Variants in TEX10 observed in about 807,000 individuals in gnomAD.
The protein encoded by TEX10 is testis-expressed protein 10.
A neutral mutation model predicts 104.4 loss-of-function variants in TEX10; 24 were observed. The ratio of observed to expected loss-of-function variants is 0.23; its 90% CI spans 0.17 to 0.32. TEX10 has a LOEUF of 0.32. TEX10 is among the 10% of genes least tolerant of loss of function. The pLI, the probability that TEX10 is intolerant of heterozygous loss-of-function variation, is 1.00. For missense variants in TEX10, 921 were observed against 1,083.9 expected (o/e 0.85, Z 2.11); for synonymous variants, 396 against 393.4 (o/e 1.01, Z -0.08).
At chr9:100,335,131 T>C (rs1834974810) in intron 5 of TEX10, among the ~76,000 whole-genome samples, 1 of 152,220 alleles carries the variant, frequency 6.6e-6, no homozygotes, top group Non-Finnish European at 1.5e-5. Context: ...TTCTTTGATA[T>C]GCAGCAGAAA....
chr9:100,307,510 T>TG (rs1394338580), intron 13 of TEX10: 27 of 152,244 alleles, frequency 1.8e-4, no homozygotes, highest in African/African-American at 5.5e-4. Context: ...TCAAAAGCAA[T>TG]GCTGAGAGAA....
chr9:100,326,255 G>A, intron 9 of TEX10, 47 bp downstream of exon 9: 3 of 1,568,970 alleles, frequency 1.9e-6, no homozygotes, highest in Non-Finnish European at 2.6e-6. Flanking sequence ...CCAGTAAAAG[G>A]GGAAAAAGAT....
intron 4 of TEX10, among the ~76,000 whole-genome samples, chr9:100,343,074 G>A (rs1243916071): frequency 1.3e-5 from 2 of 151,422 alleles, no homozygotes; most frequent in African/African-American, 4.9e-5. Context: ...GCGTGAACTC[G>A]GGAGGTGAGC....
At chr9:100,303,061 A>C (rs1834046217) in intron 14 of TEX10, among the ~76,000 whole-genome samples, 1 of 152,174 alleles carries the variant, frequency 6.6e-6, no homozygotes, top group Non-Finnish European at 1.5e-5. Flanking sequence ...TTCTTACTTT[A>C]GAGTGAACTA....
At chr9:100,311,289 G>A (rs1368515977) in intron 11 of TEX10, among the ~76,000 whole-genome samples, 3 of 152,102 alleles carry the variant, frequency 2.0e-5, no homozygotes, top group African/African-American at 7.2e-5. Context: ...CAGCTACTCA[G>A]GAGGTTGGGA....
chr9:100,332,597 G>C (rs565051245), intron 5 of TEX10, among the ~76,000 whole-genome samples: 1 of 152,106 alleles, frequency 6.6e-6, no homozygotes, highest in Non-Finnish European at 1.5e-5. Flanking sequence ...CGAGGTGGGC[G>C]GATCACGAGG....
chr9:100,314,758 T>G (rs555963821), intron 11 of TEX10, among the ~76,000 whole-genome samples: 2 of 152,338 alleles, frequency 1.3e-5, no homozygotes, highest in South Asian at 2.1e-4. Flanking sequence ...CTGCTAATTT[T>G]GGGCTTGGTT....
intron 1 of TEX10, among the ~76,000 whole-genome samples, chr9:100,351,400 CGGTGGGTG>C: frequency 1.3e-5 from 1 of 77,854 alleles, no homozygotes; most frequent in South Asian, 5.5e-4. Context: ...AGCTGGGGGT[CGGTGGGTG>C]GGTGGGTGGG....
At chr9:100,336,395 GCT>G (rs1835009949) in intron 5 of TEX10, among the ~76,000 whole-genome samples, 2 of 152,138 alleles carry the variant, frequency 1.3e-5, no homozygotes, top group Admixed American at 6.5e-5. Flanking sequence ...TACTGCCTGA[GCT>G]CTGCCTCCTG....
Position 100,352,757 on chromosome 9 carries a change from G to C in TEX10, c.-10+15C>G. The stretch of plus-strand genomic sequence containing the variant: ...GCCCCGGGAGGACCCGGCCCGACGG[G>C]CGACGGCCGCTTACCTGAGGACCCG... On this transcript the variant is annotated intron_variant, in intron 1 of 14. Coordinates refer to ENST00000374902, the MANE Select transcript of TEX10 (RefSeq NM_017746.4). 1 of 1,152,128 alleles carries C rather than the reference G, an allele frequency of 8.7e-7. No homozygotes were observed. Among genetic ancestry groups the C allele is most frequent in the East Asian group, 5.1e-5 (1 of 19,460 alleles). The allele number at this position is 1,152,128 out of a possible 1,614,324, so 71.4% of individuals were successfully genotyped here.
At chr9:100,343,336 C>CAAAA (rs754079763) in intron 4 of TEX10, among the ~76,000 whole-genome samples, 2 of 118,296 alleles carry the variant, frequency 1.7e-5, no homozygotes, top group African/African-American at 6.1e-5. Flanking sequence ...TAAGGGAATG[C>CAAAA]AAAAAAAAAA....
At chr9:100,344,913 TAGGACATCTTA>T (rs1225478642) in intron 4 of TEX10, among the ~76,000 whole-genome samples, 1 of 152,146 alleles carries the variant, frequency 6.6e-6, no homozygotes, top group African/African-American at 2.4e-5. Flanking sequence ...TTCTTTTTTA[TAGGACATCTTA>T]AGGACTTTAG....
chr9:100,309,931 C>T (rs2118834543), intron 12 of TEX10, among the ~76,000 whole-genome samples: 1 of 152,248 alleles, frequency 6.6e-6, no homozygotes, highest in South Asian at 2.1e-4. Context: ...ACTTTGGACC[C>T]CAAACCTTCT....
At chr9:100,303,113 T>A (rs1040247935) in intron 14 of TEX10, among the ~76,000 whole-genome samples, 1 of 152,160 alleles carries the variant, frequency 6.6e-6, no homozygotes, top group African/African-American at 2.4e-5. Context: ...TGCTAAATAA[T>A]TTCCTTAATG....
chr9:100,303,509 A>G lies in TEX10; in HGVS notation c.2676+123T>C, dbSNP rs867199519. ...GACCCTGAGAAACTACCATATTGGG[A>G]TTAATTCCTGGACTCAATGTATGGG... is the stretch of plus-strand genomic sequence containing the variant. On this transcript the variant is annotated intron_variant, in intron 14 of 14. Transcript: ENST00000374902. The G allele has an allele frequency of 1.8e-5, 17 of 951,900 alleles. No individual in the cohort carries two copies. The Middle Eastern group carries it at 2.2e-3, about 121-fold the overall frequency. The allele number at this position is 951,900 out of a possible 1,614,324, so 59.0% of individuals were successfully genotyped here. A position where few individuals can be genotyped will look rare whatever the true frequency, so the allele number is the denominator to read the frequency against.
intron 11 of TEX10, among the ~76,000 whole-genome samples, chr9:100,312,531 T>C (rs1337449919): frequency 6.6e-6 from 1 of 152,204 alleles, no homozygotes; most frequent in Non-Finnish European, 1.5e-5. Flanking sequence ...AATAAGAGGA[T>C]ACGGGAGAAG....
chr9:100,343,137 C>CAA (rs1437074754), intron 4 of TEX10, among the ~76,000 whole-genome samples: 1 of 129,414 alleles, frequency 7.7e-6, no homozygotes, highest in Non-Finnish European at 1.6e-5. Flanking sequence ...ACTCCGTCTC[C>CAA]AAAAAAAAAT....
intron 11 of TEX10, among the ~76,000 whole-genome samples, chr9:100,312,139 A>T (rs888127527): frequency 6.6e-6 from 1 of 152,268 alleles, no homozygotes; most frequent in African/African-American, 2.4e-5. Context: ...AACATGGTGA[A>T]TATTTTTATT....
rs371925673 is a variant in TEX10, at chr9:100,326,308, T to C, written c.1973A>G (p.His658Arg). 9.9e-6 allele frequency: 16 copies of C among 1,613,534 alleles called. No individual in the cohort carries two copies. The Admixed American group carries it at 1.3e-4, about 13-fold the overall frequency. Residue 658 changes from histidine (H) to arginine (R), a missense_variant, in exon 9 of 15, where the codon CAC (histidine) becomes CGC (arginine). This residue lies in a region of TEX10 where 753 missense variants were observed against 868.4 expected (regional missense o/e 0.87). Coordinates refer to ENST00000374902, the MANE Select transcript of TEX10 (RefSeq NM_017746.4). ...SLAAMLIGIL[H>R]MRSSFSGWKY... Reference sequence around the variant, plus strand: ...GCTCACTTGAGCATGCTACCTCATGTGCAGTATCCCGATAAGCATGGCAGC... The same window carrying C: ...GCTCACTTGAGCATGCTACCTCATGCGCAGTATCCCGATAAGCATGGCAGC...
Sources: allele counts gnomAD v4.1 joint callset (sites outside exome capture counted in the v4.1 genomes callset), GRCh38; gene constraint gnomAD v4.1.1; regional missense constraint gnomAD v4.1.1; transcripts MANE v1.5; gene names NCBI Gene and HGNC (gene_info 2026-07-23, HGNC 2026-07-21).